SLC5A4: variants seen among roughly 807,000 people sequenced by gnomAD.
SLC5A4 encodes the protein solute carrier family 5 member 4.
In SLC5A4, 55 loss-of-function variants were observed where a neutral mutation model predicts 70.3. The observed-to-expected ratio is 0.78, with a 90% CI of 0.63 to 0.98. SLC5A4 has a LOEUF of 0.98. Among genes scored for constraint, SLC5A4 ranks in the 50% least tolerant of loss-of-function variants. The pLI, the probability that SLC5A4 is intolerant of heterozygous loss-of-function variation, is 0.00. For missense variants in SLC5A4, 735 were observed against 839.2 expected (o/e 0.88, Z 1.53); for synonymous variants, 268 against 305.7 (o/e 0.88, Z 1.29).
chr22:32,351,224 A>T, the SLC5A4 span, among the ~76,000 whole-genome samples: 13 of 152,298 alleles, frequency 8.5e-5, no homozygotes, highest in African/African-American at 3.1e-4. Context: ...CCAGACTAAT[A>T]TGGGAGAGAG....
At chr22:32,259,816 T>C (rs979851626), upstream of SLC5A4, among the ~76,000 whole-genome samples, 3 of 152,200 alleles carry the variant, frequency 2.0e-5, no homozygotes, top group Non-Finnish European at 2.9e-5. Flanking sequence ...AGTGAGTCAT[T>C]TGGTGAAGGG....
At position 32,234,859 on chromosome 22, in the gene SLC5A4, T is replaced by A; in HGVS notation, c.885+14A>T. The A allele has an allele frequency of 6.4e-7, 1 of 1,563,754 alleles. No homozygotes were observed. Among genetic ancestry groups the A allele is most frequent in the Non-Finnish European group, 8.8e-7 (1 of 1,136,204 alleles). ...ACAGACAGACAGACAGACACACATATACATATACTTCACCTGATTTGTGCA... is the reference window on the plus strand; with the variant it reads ...ACAGACAGACAGACAGACACACATAAACATATACTTCACCTGATTTGTGCA... On this transcript the variant is annotated intron_variant, in intron 8 of 14. Coordinates refer to ENST00000266086, the MANE Select transcript of SLC5A4 (RefSeq NM_014227.3).
the SLC5A4 span, among the ~76,000 whole-genome samples, chr22:32,341,912 G>A: frequency 4.8e-4 from 73 of 152,246 alleles, no homozygotes; most frequent in Non-Finnish European, 3.8e-4. Context: ...ATTGCCTCTC[G>A]TTAGAGAGAT....
the SLC5A4 span, among the ~76,000 whole-genome samples, chr22:32,310,059 AG>A: frequency 1.5e-3 from 8 of 5,506 alleles, 1 homozygote; most frequent in East Asian, 9.4e-3. Context: ...CGGGGTGGGG[AG>A]GGGGGAGGGA....
At chr22:32,348,374 G>A in the SLC5A4 span, among the ~76,000 whole-genome samples, 2 of 152,142 alleles carry the variant, frequency 1.3e-5, no homozygotes, top group African/African-American at 4.8e-5. Flanking sequence ...GGTAGGTGAG[G>A]GCAGAGCAGC....
the SLC5A4 span, among the ~76,000 whole-genome samples, chr22:32,331,603 C>T: frequency 6.6e-6 from 1 of 152,112 alleles, no homozygotes; most frequent in South Asian, 2.1e-4. Context: ...GTGGAGATGA[C>T]AAAGCTATTT....
At chr22:32,349,258 C>A in the SLC5A4 span, among the ~76,000 whole-genome samples, 3 of 152,360 alleles carry the variant, frequency 2.0e-5, no homozygotes, top group Admixed American at 2.0e-4. Context: ...CAGGCGTGAG[C>A]CACTGCGCCC....
chr22:32,333,991 G>A, the SLC5A4 span, among the ~76,000 whole-genome samples: 1 of 111,772 alleles, frequency 8.9e-6, no homozygotes, highest in African/African-American at 2.9e-5. Context: ...ATGCAACACA[G>A]ACACACTACA....
At chr22:32,246,621 G>A (rs1295123717) in intron 5 of SLC5A4, among the ~76,000 whole-genome samples, 3 of 152,182 alleles carry the variant, frequency 2.0e-5, no homozygotes, top group African/African-American at 4.8e-5. Context: ...TCTGCCTCCC[G>A]TGTTCAAGCT....
At chr22:32,273,599 A>C in the SLC5A4 span, 1 of 152,294 alleles carries the variant, frequency 6.6e-6, no homozygotes, top group African/African-American at 2.4e-5. Flanking sequence ...TTACTTTATA[A>C]AATCTTTGAA....
the SLC5A4 span, among the ~76,000 whole-genome samples, chr22:32,266,440 T>G: frequency 6.6e-6 from 1 of 152,192 alleles, no homozygotes; most frequent in Non-Finnish European, 1.5e-5. Context: ...TCAATATGTC[T>G]GCAATAGTCA....
chr22:32,238,593 G>A (rs1023881760), intron 6 of SLC5A4, among the ~76,000 whole-genome samples: 1 of 152,100 alleles, frequency 6.6e-6, no homozygotes, highest in Non-Finnish European at 1.5e-5. Flanking sequence ...CATGGCCATG[G>A]CCATGCCCTG....
chr22:32,330,911 G>GTTGGAGGCCTCTGGTGTGTA, the SLC5A4 span, among the ~76,000 whole-genome samples: 1 of 130,770 alleles, frequency 7.6e-6, no homozygotes. Context: ...CTGTGTGTGT[G>GTTGGAGGCCTCTGGTGTGTA]TGTGTTGGAG....
chr22:32,353,454 C>T, the SLC5A4 span, among the ~76,000 whole-genome samples: 1 of 152,062 alleles, frequency 6.6e-6, no homozygotes, highest in Non-Finnish European at 1.5e-5. Context: ...TGCTCAGGAT[C>T]CCCGCGGAAA....
the SLC5A4 span, chr22:32,272,872 C>T: frequency 2.0e-6 from 1 of 511,254 alleles, no homozygotes; most frequent in Non-Finnish European, 3.8e-6. Context: ...CTGGAGGCTG[C>T]TGATGCTGCT....
At chr22:32,322,674 G>C in the SLC5A4 span, among the ~76,000 whole-genome samples, 901 of 152,254 alleles carry the variant, frequency 5.9e-3, 3 homozygotes, top group Admixed American at 9.2e-3. Flanking sequence ...TGCTTCCTGG[G>C]TGGAGCCCTC....
chr22:32,285,044 T>G, the SLC5A4 span: 1 of 152,224 alleles, frequency 6.6e-6, no homozygotes, highest in Non-Finnish European at 1.5e-5. Flanking sequence ...ATATATACAT[T>G]TTATAAAACA....
At chr22:32,305,304 G>C in the SLC5A4 span, among the ~76,000 whole-genome samples, 2 of 131,140 alleles carry the variant, frequency 1.5e-5, no homozygotes, top group Admixed American at 9.1e-5. Context: ...GACTGCTCCC[G>C]GGCTTGTAGT....
the SLC5A4 span, among the ~76,000 whole-genome samples, chr22:32,341,630 A>G: frequency 6.6e-6 from 1 of 152,200 alleles, no homozygotes; most frequent in East Asian, 1.9e-4. Context: ...GCCGGAGAGC[A>G]TCCTTCAAAA....
Sources: gnomAD v4.1 joint callset for allele counts (sites outside exome capture counted in the v4.1 genomes callset) on GRCh38, gnomAD v4.1.1 for gene constraint, MANE v1.5 for transcripts, NCBI Gene and HGNC (gene_info 2026-07-23, HGNC 2026-07-21) for gene names.